PCSK5: variants seen among roughly 807,000 people sequenced by gnomAD.
PCSK5 encodes the protein prohormone convertase 5.
PCSK5 carries 129 observed loss-of-function variants against 233.2 expected under a neutral mutation model. The observed-to-expected ratio is 0.55, with a 90% CI of 0.48 to 0.64. PCSK5 has a LOEUF of 0.64. PCSK5 is among the 30% of genes least tolerant of loss of function. The pLI is 0.00. For missense variants in PCSK5, 2,076 were observed against 2,430.1 expected, an observed-to-expected ratio of 0.85 and a Z score of 3.06; for synonymous variants, 825 against 879.2, an observed-to-expected ratio of 0.94 and a Z score of 1.09.
intron 3 of PCSK5, among the ~76,000 whole-genome samples, chr9:76,014,893 T>G (rs1827881709): frequency 6.6e-6 from 1 of 152,188 alleles, no homozygotes; most frequent in African/African-American, 2.4e-5. Flanking sequence ...ATACCTTCAT[T>G]ACCTGTATTA....
At chr9:76,014,177 A>G (rs1160015001) in intron 3 of PCSK5, among the ~76,000 whole-genome samples, 2 of 152,164 alleles carry the variant, frequency 1.3e-5, no homozygotes, top group Non-Finnish European at 1.5e-5. Flanking sequence ...TAGAAACAAA[A>G]AAATTACATT....
intron 10 of PCSK5, among the ~76,000 whole-genome samples, chr9:76,145,668 C>G (rs1823415910): frequency 6.6e-6 from 1 of 152,170 alleles, no homozygotes; most frequent in Admixed American, 6.5e-5. Context: ...AGGGCTCTAA[C>G]TTGCTGTGAC....
intron 20 of PCSK5, among the ~76,000 whole-genome samples, chr9:76,218,080 G>C (rs576227982): frequency 3.3e-5 from 5 of 152,102 alleles, no homozygotes; most frequent in Non-Finnish European, 7.4e-5. Context: ...TCCATAGGGG[G>C]ACCAAGGATC....
At chr9:76,351,514 A>AAGAAAGAAAGAAAG (rs1830147516) in intron 36 of PCSK5, among the ~76,000 whole-genome samples, 1 of 122,210 alleles carries the variant, frequency 8.2e-6, no homozygotes, top group Non-Finnish European at 1.8e-5. Flanking sequence ...GAAAGAAAGA[A>AAGAAAGAAAGAAAG]AGAAAGAAAG....
chr9:76,205,073 T>C, intron 20 of PCSK5: 1 of 517,308 alleles, frequency 1.9e-6, no homozygotes. Flanking sequence ...AAAAATTGTC[T>C]TTCCACACTC....
chr9:75,997,266 AT>A (rs1827060395), intron 3 of PCSK5, among the ~76,000 whole-genome samples: 1 of 152,194 alleles, frequency 6.6e-6, no homozygotes, highest in Non-Finnish European at 1.5e-5. Context: ...AGCATCTGGA[AT>A]GCTTCTTTTT....
At chr9:76,002,041 T>C (rs1023629409) in intron 3 of PCSK5, among the ~76,000 whole-genome samples, 1 of 152,180 alleles carries the variant, frequency 6.6e-6, no homozygotes, top group African/African-American at 2.4e-5. Flanking sequence ...AAACAAGACA[T>C]GTAATTCCCA....
chr9:76,119,750 T>A (rs1418046307), intron 9 of PCSK5, among the ~76,000 whole-genome samples: 2 of 152,096 alleles, frequency 1.3e-5, no homozygotes, highest in African/African-American at 4.8e-5. Flanking sequence ...TCATGGAGAA[T>A]GGGATATCCA....
At chr9:76,016,473 T>G in intron 3 of PCSK5, among the ~76,000 whole-genome samples, 1 of 152,132 alleles carries the variant, frequency 6.6e-6, no homozygotes. Context: ...CTGAGGTACT[T>G]GAGATTGGTG....
intron 15 of PCSK5, among the ~76,000 whole-genome samples, chr9:76,180,087 G>GTA (rs1554701013): frequency 0.22 from 28,492 of 132,318 alleles, 3,367 homozygotes; most frequent in Admixed American, 0.33. Flanking sequence ...GTGTGTGTGT[G>GTA]TATATATATA....
chr9:76,020,197 G>T (rs1828121553), intron 3 of PCSK5, among the ~76,000 whole-genome samples: 2 of 152,144 alleles, frequency 1.3e-5, no homozygotes, highest in African/African-American at 4.8e-5. Flanking sequence ...TTTGCCTCTG[G>T]GTGCTGCTGT....
chr9:76,215,638 G>C (rs1825496052), intron 20 of PCSK5, among the ~76,000 whole-genome samples: 1 of 152,050 alleles, frequency 6.6e-6, no homozygotes, highest in Non-Finnish European at 1.5e-5. Context: ...ATGGAGAGTG[G>C]AGGCCAGGTG....
intron 2 of PCSK5, among the ~76,000 whole-genome samples, chr9:75,975,343 A>C (rs983270871): frequency 6.6e-5 from 10 of 152,028 alleles, no homozygotes; most frequent in African/African-American, 2.4e-4. Flanking sequence ...CCATAGAAAT[A>C]TAGCTTTCAT....
At chr9:76,070,297 T>C (rs1830440808) in intron 6 of PCSK5, among the ~76,000 whole-genome samples, 1 of 152,078 alleles carries the variant, frequency 6.6e-6, no homozygotes, top group Non-Finnish European at 1.5e-5. Context: ...ACCGCACCCG[T>C]CCCCAAAATT....
chr9:76,231,698 T>G (rs1216243223), intron 21 of PCSK5, among the ~76,000 whole-genome samples: 2 of 152,154 alleles, frequency 1.3e-5, no homozygotes, highest in Non-Finnish European at 2.9e-5. Flanking sequence ...GGTGCCAGGG[T>G]GGGGCTGGGA....
At position 76,292,217 on chromosome 9, in the gene PCSK5, T is replaced by C; in HGVS notation, c.3143-16T>C. 1 of 1,439,608 alleles carries C rather than the reference T, an allele frequency of 6.9e-7. No individual in the cohort carries two copies. The highest frequency in any genetic ancestry group is 9.6e-7 in the Non-Finnish European group (1 of 1,041,460). The allele number at this position is 1,439,608 out of a possible 1,614,324, so 89.2% of individuals were successfully genotyped here. A position where few individuals can be genotyped will look rare whatever the true frequency, so the allele number is the denominator to read the frequency against. On this transcript the variant is annotated splice_polypyrimidine_tract_variant and intron_variant, in intron 24 of 37. Transcript: ENST00000674117. ...ATTCCTCATGATTATTACTTTTTAT[T>C]ATTTTTTTTTTCCAGATGATCCAGG...
In PCSK5 at chr9:76,233,605, C is replaced by A. The variant is rs1270968892; in HGVS notation, c.2866+9C>A. On this transcript the variant is annotated intron_variant, in intron 22 of 37. Transcript: ENST00000674117. ...CACCTCCTGTGGAGCAGGTGAGAGA[C>A]TGCTGCTCCTCCGTCTTCTGCACCC... 6.2e-7 allele frequency: 1 copy of A among 1,607,716 alleles called. No individual in the cohort carries two copies. Among genetic ancestry groups the A allele is most frequent in the African/African-American group, 1.3e-5 (1 of 75,024 alleles).
intron 1 of PCSK5, among the ~76,000 whole-genome samples, chr9:75,917,749 T>G (rs538717804): frequency 6.6e-6 from 1 of 152,348 alleles, no homozygotes; most frequent in Non-Finnish European, 1.5e-5. Flanking sequence ...GATGAACTCC[T>G]GTTAAGCCTG....
chr9:76,265,499 A>T (rs965069862), intron 24 of PCSK5, among the ~76,000 whole-genome samples: 6 of 152,202 alleles, frequency 3.9e-5, no homozygotes, highest in Non-Finnish European at 8.8e-5. Context: ...GAAACTAAAT[A>T]AATGAGATGA....
Sources: allele counts gnomAD v4.1 joint callset (sites outside exome capture counted in the v4.1 genomes callset), GRCh38; gene constraint gnomAD v4.1.1; transcripts MANE v1.5; gene names NCBI Gene and HGNC (gene_info 2026-07-23, HGNC 2026-07-21).